PLPPR1: variants seen among roughly 807,000 people sequenced by gnomAD.
The protein encoded by PLPPR1 is phospholipid phosphatase-related protein type 1.
In PLPPR1, 10 loss-of-function variants were observed where a neutral mutation model predicts 33.1. The ratio of observed to expected loss-of-function variants is 0.30; its 90% confidence interval spans 0.19 to 0.51. The LOEUF is 0.51. Ranked by LOEUF, PLPPR1 falls within the 20% of genes least tolerant of loss-of-function variation. The probability of loss-of-function intolerance (pLI) is 0.97; values close to 1 mark genes in which losing one functional copy is unlikely to be tolerated. For synonymous variants in PLPPR1, 151 were observed against 151.0 expected (o/e 1.00, Z 0.00); for missense variants, 304 against 408.1 (o/e 0.74, Z 2.20).
At chr9:101,146,146 T>C (rs974273766) in intron 1 of PLPPR1, among the ~76,000 whole-genome samples, 9 of 152,226 alleles carry the variant, frequency 5.9e-5, no homozygotes, top group African/African-American at 2.2e-4. Context: ...TCTCATAGTG[T>C]AGCATAATTT....
At chr9:101,160,484 G>A (rs1240850277) in intron 1 of PLPPR1, among the ~76,000 whole-genome samples, 6 of 152,084 alleles carry the variant, frequency 3.9e-5, no homozygotes, top group Non-Finnish European at 8.8e-5. Flanking sequence ...TTTCACATGG[G>A]AAATCAATTT....
intron 2 of PLPPR1, among the ~76,000 whole-genome samples, chr9:101,253,419 C>T (rs1161971838): frequency 6.6e-6 from 1 of 151,940 alleles, no homozygotes; most frequent in Non-Finnish European, 1.5e-5. Flanking sequence ...TGATGGCGTA[C>T]ACCTGTAATT....
At chr9:101,279,803 A>G (rs185846656) in intron 3 of PLPPR1, among the ~76,000 whole-genome samples, 3 of 152,290 alleles carry the variant, frequency 2.0e-5, no homozygotes, top group Admixed American at 2.0e-4. Flanking sequence ...GATGGAATCA[A>G]GCAAAAGCAG....
chr9:101,160,193 C>T, intron 1 of PLPPR1, among the ~76,000 whole-genome samples: 1 of 152,130 alleles, frequency 6.6e-6, no homozygotes, highest in Non-Finnish European at 1.5e-5. Flanking sequence ...GACCTTCCTC[C>T]AACTAGAAAA....
chr9:101,108,578 G>C (rs1319332389), intron 1 of PLPPR1, among the ~76,000 whole-genome samples: 2 of 152,220 alleles, frequency 1.3e-5, no homozygotes, highest in Admixed American at 6.5e-5. Flanking sequence ...GACAAGAACT[G>C]TCCAGGCATA....
intron 2 of PLPPR1, among the ~76,000 whole-genome samples, chr9:101,230,639 C>T (rs1048678730): frequency 6.6e-6 from 1 of 151,988 alleles, no homozygotes; most frequent in African/African-American, 2.4e-5. Context: ...ATTAGGAGGT[C>T]CACCTAAGTC....
intron 7 of PLPPR1, among the ~76,000 whole-genome samples, chr9:101,318,324 G>A (rs531503508): frequency 1.3e-5 from 2 of 152,328 alleles, no homozygotes; most frequent in Admixed American, 6.5e-5. Flanking sequence ...AAGCCAGGAA[G>A]ACGACTTGCC....
intron 2 of PLPPR1, among the ~76,000 whole-genome samples, chr9:101,194,823 A>T (rs961430461): frequency 1.3e-5 from 2 of 152,172 alleles, no homozygotes; most frequent in African/African-American, 4.8e-5. Context: ...TATTGACCAC[A>T]GGTTGTGATT....
At chr9:101,267,585 G>T (rs1187970338) in intron 2 of PLPPR1, among the ~76,000 whole-genome samples, 1 of 152,200 alleles carries the variant, frequency 6.6e-6, no homozygotes, top group Non-Finnish European at 1.5e-5. Flanking sequence ...TAAACAGTCA[G>T]AAACAAGTCA....
At chr9:101,093,227 C>A (rs926089834) in intron 1 of PLPPR1, among the ~76,000 whole-genome samples, 1 of 152,024 alleles carries the variant, frequency 6.6e-6, no homozygotes, top group Admixed American at 6.6e-5. Flanking sequence ...AGGATTGAGC[C>A]AAATACAGAA....
intron 1 of PLPPR1, chr9:101,131,444 T>C (rs1354995251): frequency 6.6e-6 from 1 of 152,126 alleles, no homozygotes; most frequent in East Asian, 1.9e-4. Flanking sequence ...GCTGTGTCTG[T>C]TGTTGAGCTC....
chr9:101,062,690 T>A (rs540762419), intron 1 of PLPPR1, among the ~76,000 whole-genome samples: 1 of 152,160 alleles, frequency 6.6e-6, no homozygotes, highest in African/African-American at 2.4e-5. Context: ...CTGAAATTTG[T>A]TTTTTGTCTA....
chr9:101,095,115 C>T (rs750611098), intron 1 of PLPPR1, among the ~76,000 whole-genome samples: 1 of 152,186 alleles, frequency 6.6e-6, no homozygotes, highest in Non-Finnish European at 1.5e-5. Context: ...ATTGTCTGTC[C>T]TGGAATGGTC....
chr9:101,324,013 T>C lies in PLPPR1; in HGVS notation c.946-12T>C, dbSNP rs1376109670. On this transcript the variant is annotated splice_polypyrimidine_tract_variant and intron_variant, in intron 7 of 7. Transcript: ENST00000374874. ...CTATCTCAGATTTTATCTGCTTGTG[T>C]TTGCTCCACAGAATCACTCTGCGTC... The C allele has an allele frequency of 1.2e-6, 2 of 1,611,828 alleles. No homozygotes were observed. Among genetic ancestry groups the C allele is most frequent in the Admixed American group, 1.7e-5 (1 of 59,958 alleles).
chr9:101,097,185 G>A (rs12379733), intron 1 of PLPPR1, among the ~76,000 whole-genome samples: 1 of 151,726 alleles, frequency 6.6e-6, no homozygotes, highest in Non-Finnish European at 1.5e-5. Flanking sequence ...CCTCACCCCA[G>A]AGTTTCTGAT....
chr9:101,143,443 T>C (rs1831479500), intron 1 of PLPPR1, among the ~76,000 whole-genome samples: 1 of 152,116 alleles, frequency 6.6e-6, no homozygotes. Flanking sequence ...TCTAAAGAAC[T>C]AAAGAGCTTC....
intron 1 of PLPPR1, among the ~76,000 whole-genome samples, chr9:101,171,244 G>A (rs958457826): frequency 1.4e-4 from 21 of 152,104 alleles, no homozygotes; most frequent in African/African-American, 5.1e-4. Context: ...TTAAGCCATA[G>A]GAACAAAGCT....
intron 2 of PLPPR1, among the ~76,000 whole-genome samples, chr9:101,200,499 G>A (rs984120743): frequency 2.6e-5 from 4 of 152,190 alleles, no homozygotes; most frequent in Admixed American, 2.0e-4. Context: ...ACAAAACTAG[G>A]TGATACGATT....
At chr9:101,125,662 C>A in intron 1 of PLPPR1, 1 of 600,512 alleles carries the variant, frequency 1.7e-6, no homozygotes, top group Non-Finnish European at 3.1e-6. Context: ...TGGCAATTCA[C>A]ATATTTAGCA....
Sources: gnomAD v4.1 joint callset for allele counts (sites outside exome capture counted in the v4.1 genomes callset) on GRCh38, gnomAD v4.1.1 for gene constraint, MANE v1.5 for transcripts, NCBI Gene and HGNC (gene_info 2026-07-23, HGNC 2026-07-21) for gene names.